Variants in ERBB4 observed in about 807,000 individuals in gnomAD.
The protein encoded by ERBB4 is receptor tyrosine-protein kinase erbB-4.
In ERBB4, 42 loss-of-function variants were observed where a neutral mutation model predicts 158.0. The ratio of observed to expected loss-of-function variants is 0.27; its 90% CI spans 0.21 to 0.34. ERBB4 has a LOEUF of 0.34. ERBB4 is among the 10% of genes least tolerant of loss of function. The pLI is 1.00. For synonymous variants in ERBB4, 583 were observed against 558.7 expected, an observed-to-expected ratio of 1.04 and a Z score of -0.61; for missense variants, 1,333 against 1,624.1, an observed-to-expected ratio of 0.82 and a Z score of 3.08.
At chr2:212,342,452 G>T (rs573523987) in intron 1 of ERBB4, among the ~76,000 whole-genome samples, 1 of 152,084 alleles carries the variant, frequency 6.6e-6, no homozygotes, top group South Asian at 2.1e-4. Flanking sequence ...TGTGCCTTCC[G>T]TCATAATTGT....
rs560812765 is a variant in ERBB4, at chr2:211,617,421, A to C, written c.2301+1756T>G. Among the ~76,000 whole-genome samples, 271 of 152,266 alleles carry C rather than the reference A, an allele frequency of 1.8e-3. 1 individual carries two copies. Among genetic ancestry groups the C allele is most frequent in the African/African-American group, 6.2e-3 (259 of 41,582 alleles). On this transcript the variant is annotated intron_variant, in intron 19 of 27. Coordinates refer to ENST00000342788, the MANE Select transcript of ERBB4 (RefSeq NM_005235.3). ...ATCACTGAAAAAGGCTTCAGTTTTA[A>C]ATTTTAATATATGAGCCAGGACATG... is the stretch of plus-strand genomic sequence containing the variant.
At chr2:211,563,106 C>T (rs778149091) in intron 19 of ERBB4, among the ~76,000 whole-genome samples, 3 of 152,094 alleles carry the variant, frequency 2.0e-5, no homozygotes, top group Non-Finnish European at 4.4e-5. Context: ...CATAAAGGCA[C>T]CACTGCTTAA....
intron 2 of ERBB4, among the ~76,000 whole-genome samples, chr2:211,966,088 C>A (rs1213327688): frequency 6.6e-6 from 1 of 152,046 alleles, no homozygotes; most frequent in Non-Finnish European, 1.5e-5. Flanking sequence ...GTGGCACATG[C>A]CTGTGGTCCC....
At chr2:211,908,049 A>T (rs2079445000) in intron 3 of ERBB4, among the ~76,000 whole-genome samples, 1 of 151,638 alleles carries the variant, frequency 6.6e-6, no homozygotes, top group South Asian at 2.1e-4. Flanking sequence ...ACTGGAAAAA[A>T]AAACATATTT....
chr2:212,165,941 A>G (rs2081334490), intron 1 of ERBB4, among the ~76,000 whole-genome samples: 1 of 152,024 alleles, frequency 6.6e-6, no homozygotes, highest in Non-Finnish European at 1.5e-5. Context: ...CAAAAACTGT[A>G]TTTGCAAAAT....
At chr2:211,426,845 A>G (rs1236963874) in intron 22 of ERBB4, among the ~76,000 whole-genome samples, 1 of 151,560 alleles carries the variant, frequency 6.6e-6, no homozygotes, top group Non-Finnish European at 1.5e-5. Flanking sequence ...TATATATTCT[A>G]TAAACCTATC....
At chr2:211,497,406 G>A (rs1256466190) in intron 20 of ERBB4, among the ~76,000 whole-genome samples, 4 of 152,054 alleles carry the variant, frequency 2.6e-5, no homozygotes, top group Non-Finnish European at 5.9e-5. Flanking sequence ...TATAGTCCCA[G>A]TGCCTCTGAC....
chr2:211,426,057 C>T (rs961963561), intron 22 of ERBB4, among the ~76,000 whole-genome samples: 1 of 151,782 alleles, frequency 6.6e-6, no homozygotes, highest in African/African-American at 2.4e-5. Context: ...GATACTCTCA[C>T]ATTTCTAGCA....
At chr2:211,555,321 G>A (rs2067208581) in intron 20 of ERBB4, among the ~76,000 whole-genome samples, 1 of 152,112 alleles carries the variant, frequency 6.6e-6, no homozygotes, top group African/African-American at 2.4e-5. Flanking sequence ...TAGTAGCTTG[G>A]ATCACAGGCA....
intron 25 of ERBB4, among the ~76,000 whole-genome samples, chr2:211,405,403 T>C (rs2063126729): frequency 6.6e-6 from 1 of 152,158 alleles, no homozygotes; most frequent in Admixed American, 6.6e-5. Context: ...ATGCCAAATG[T>C]ACTTCTTCTT....
chr2:211,557,563 G>C (rs2067268900), intron 20 of ERBB4, among the ~76,000 whole-genome samples: 1 of 151,794 alleles, frequency 6.6e-6, no homozygotes, highest in Non-Finnish European at 1.5e-5. Flanking sequence ...ACCACAAAAA[G>C]ATACCATTTC....
At chr2:212,505,957 C>T (rs1242962307) in intron 1 of ERBB4, among the ~76,000 whole-genome samples, 1 of 148,708 alleles carries the variant, frequency 6.7e-6, no homozygotes, top group African/African-American at 2.4e-5. Flanking sequence ...CTTGCAGATA[C>T]TGATTTTTAC....
intron 1 of ERBB4, among the ~76,000 whole-genome samples, chr2:212,377,411 C>A (rs2090361324): frequency 6.6e-6 from 1 of 151,672 alleles, no homozygotes; most frequent in African/African-American, 2.4e-5. Context: ...GGTGGTATAG[C>A]CTTCTACACA....
intron 2 of ERBB4, among the ~76,000 whole-genome samples, chr2:211,979,907 T>C (rs2081741285): frequency 6.6e-6 from 1 of 152,186 alleles, no homozygotes; most frequent in African/African-American, 2.4e-5. Flanking sequence ...ACATAGTTAC[T>C]GAACCTCCAT....
chr2:212,068,668 T>C (rs1344781871), intron 2 of ERBB4, among the ~76,000 whole-genome samples: 1 of 152,052 alleles, frequency 6.6e-6, no homozygotes, highest in Non-Finnish European at 1.5e-5. Flanking sequence ...TTTAAAAGAC[T>C]AATACGCTCT....
At chr2:212,042,716 C>T (rs375839661) in intron 2 of ERBB4, among the ~76,000 whole-genome samples, 6 of 152,232 alleles carry the variant, frequency 3.9e-5, no homozygotes, top group African/African-American at 1.2e-4. Flanking sequence ...TAAAGACTTA[C>T]TTTAGTTCAA....
intron 12 of ERBB4, among the ~76,000 whole-genome samples, chr2:211,697,689 C>T (rs916681628): frequency 3.9e-5 from 6 of 152,096 alleles, no homozygotes; most frequent in African/African-American, 1.4e-4. Context: ...TTCTTTTCTT[C>T]TTTCAGATCA....
intron 1 of ERBB4, among the ~76,000 whole-genome samples, chr2:212,127,359 A>G (rs1163785912): frequency 3.3e-5 from 5 of 152,156 alleles, no homozygotes; most frequent in South Asian, 2.1e-4. Flanking sequence ...TTGGGAGGCC[A>G]AGGTGGGCGG....
At chr2:211,893,608 T>A (rs1232775278) in intron 3 of ERBB4, among the ~76,000 whole-genome samples, 2 of 140,004 alleles carry the variant, frequency 1.4e-5, no homozygotes, top group South Asian at 2.1e-4. Context: ...GAAGCTACCA[T>A]CAGAGTGAAC....
Sources: gnomAD v4.1 joint callset for allele counts (sites outside exome capture counted in the v4.1 genomes callset) on GRCh38, gnomAD v4.1.1 for gene constraint, MANE v1.5 for transcripts, NCBI Gene and HGNC (gene_info 2026-07-23, HGNC 2026-07-21) for gene names.